Variants in GNB4 observed in about 807,000 individuals in gnomAD.
GNB4 encodes the protein G protein subunit beta 4, also known as guanine nucleotide-binding protein subunit beta-4.
A neutral mutation model predicts 45.2 loss-of-function variants in GNB4; 28 were observed. The ratio of observed to expected loss-of-function variants is 0.62; its 90% CI spans 0.46 to 0.85. The LOEUF (loss-of-function observed/expected upper bound fraction) is 0.85. Among genes scored for constraint, GNB4 ranks in the 40% least tolerant of loss-of-function variants. GNB4 has a pLI of 0.00. For missense variants in GNB4, 321 were observed against 425.4 expected, an observed-to-expected ratio of 0.75 and a Z score of 2.16; for synonymous variants, 132 against 143.7, an observed-to-expected ratio of 0.92 and a Z score of 0.58.
chr3:179,485,148 C>T, the GNB4 span, among the ~76,000 whole-genome samples: 4 of 151,620 alleles, frequency 2.6e-5, no homozygotes, highest in African/African-American at 9.7e-5. Flanking sequence ...GTCGCTGGGA[C>T]TACAGCCACC....
chr3:179,464,526 G>A, the GNB4 span: 3 of 1,611,082 alleles, frequency 1.9e-6, no homozygotes, highest in South Asian at 1.1e-5. Context: ...AGAAGAGTGG[G>A]TGGCCTCAGG....
the GNB4 span, among the ~76,000 whole-genome samples, chr3:179,518,052 T>A: frequency 2.6e-5 from 4 of 151,980 alleles, no homozygotes; most frequent in East Asian, 1.9e-4. Flanking sequence ...ATGTCTCTAC[T>A]CTCTCTTTTC....
the GNB4 span, among the ~76,000 whole-genome samples, chr3:179,468,035 A>AAAAAAAAAAAAAAAAAATATATATAT: frequency 1.1e-5 from 1 of 89,856 alleles, no homozygotes; most frequent in African/African-American, 4.0e-5. Flanking sequence ...TGTTGATAAA[A>AAAAAAAAAAAAAAAAAATATATATAT]ATATATATAT....
chr3:179,513,054 C>G, the GNB4 span, among the ~76,000 whole-genome samples: 1 of 151,310 alleles, frequency 6.6e-6, no homozygotes, highest in Admixed American at 6.6e-5. Flanking sequence ...TGGTAAAGAC[C>G]AGAAGATGAA....
chr3:179,442,222 C>G (rs1159018877), intron 1 of GNB4, among the ~76,000 whole-genome samples: 1 of 152,158 alleles, frequency 6.6e-6, no homozygotes, highest in African/African-American at 2.4e-5. Flanking sequence ...GAGAATGTGG[C>G]TGAACTCAAC....
At chr3:179,409,833 CA>C (rs1238640935) in intron 8 of GNB4, among the ~76,000 whole-genome samples, 5,714 of 60,522 alleles carry the variant, frequency 0.094, 343 homozygotes, top group African/African-American at 0.22. Context: ...AAAAACAAAA[CA>C]AAAAAAAAAC....
In GNB4 at chr3:179,397,256, C is replaced by T. The variant is rs1343275515; in HGVS notation, c.*3957G>A. 1 of 152,110 alleles carries T rather than the reference C, an allele frequency of 6.6e-6. No individual in the cohort carries two copies. Among genetic ancestry groups the T allele is most frequent in the Non-Finnish European group, 1.5e-5 (1 of 68,024 alleles). The allele number at this position is 152,110 out of a possible 1,614,324, so 9.4% of individuals were successfully genotyped here. A position where few individuals can be genotyped will look rare whatever the true frequency, so the allele number is the denominator to read the frequency against. On this transcript the variant is annotated 3_prime_UTR_variant, in exon 10 of 10. Transcript: ENST00000232564. ...AGACATTTACATCAAAGCATACTTC[C>T]CTGAACATGTTCACATTTAAAATGC...
At chr3:179,413,344 A>C (rs2108589055) in intron 8 of GNB4, 68 bp downstream of exon 8, 1 of 1,250,070 alleles carries the variant, frequency 8.0e-7, no homozygotes, top group South Asian at 1.2e-5. Flanking sequence ...TTTGTTGTTA[A>C]AATCATGCCA....
chr3:179,442,899 G>C (rs1216951276), intron 1 of GNB4, among the ~76,000 whole-genome samples: 1 of 152,086 alleles, frequency 6.6e-6, no homozygotes, highest in Non-Finnish European at 1.5e-5. Flanking sequence ...TGAGTAGCTG[G>C]GATGAAAGGT....
chr3:179,510,936 A>C, the GNB4 span, among the ~76,000 whole-genome samples: 1 of 152,086 alleles, frequency 6.6e-6, no homozygotes, highest in Non-Finnish European at 1.5e-5. Flanking sequence ...AAGTTTGGCG[A>C]ATTTTGTTTC....
intron 2 of GNB4, among the ~76,000 whole-genome samples, chr3:179,422,464 A>G (rs75159272): frequency 0.19 from 26,082 of 137,674 alleles, 2,350 homozygotes; most frequent in Admixed American, 0.25. Flanking sequence ...CTGTCTCTGG[A>G]AAAAAAAAAA....
At chr3:179,415,250 C>T (rs1303550801) in intron 5 of GNB4, among the ~76,000 whole-genome samples, 1 of 152,034 alleles carries the variant, frequency 6.6e-6, no homozygotes, top group Admixed American at 6.6e-5. Flanking sequence ...TTTGTATTAT[C>T]AAATCATTTG....
At chr3:179,455,918 G>A (rs533935766), upstream of GNB4, among the ~76,000 whole-genome samples, 20 of 152,220 alleles carry the variant, frequency 1.3e-4, no homozygotes, top group South Asian at 3.3e-3. Flanking sequence ...TCCTTTTCAC[G>A]TAGGGCTTTC....
chr3:179,430,390 C>T (rs1247083575), intron 1 of GNB4, among the ~76,000 whole-genome samples: 1 of 152,042 alleles, frequency 6.6e-6, no homozygotes, highest in East Asian at 1.9e-4. Flanking sequence ...GTACCTGGCC[C>T]TTCCTTTCTC....
the GNB4 span, among the ~76,000 whole-genome samples, chr3:179,469,775 G>T: frequency 2.0e-5 from 3 of 152,092 alleles, no homozygotes; most frequent in Non-Finnish European, 2.9e-5. Context: ...AATTTCTCTA[G>T]CACCTAGTAA....
chr3:179,426,346 C>A, intron 1 of GNB4, 104 bp from the exon 2 acceptor site: 1 of 572,772 alleles, frequency 1.7e-6, no homozygotes, highest in African/African-American at 1.9e-5. Context: ...TACTGAAATT[C>A]AATGGAGGTA....
the GNB4 span, among the ~76,000 whole-genome samples, chr3:179,489,466 G>A: frequency 1.1e-4 from 17 of 151,940 alleles, no homozygotes; most frequent in Middle Eastern, 3.4e-3. Context: ...GCAAGACCCC[G>A]TCTCTACAAA....
Position 179,398,475 on chromosome 3 carries a change from C to T in GNB4, c.*2738G>A, listed in dbSNP as rs1172965110. 6.6e-6 allele frequency: 1 copy of T among 151,026 alleles called. No homozygotes were observed. Among genetic ancestry groups the T allele is most frequent in the Non-Finnish European group, 1.5e-5 (1 of 67,916 alleles). 9.4% of individuals were successfully genotyped at this position (151,026 alleles called of 1,614,324 possible). A position where few individuals can be genotyped will look rare whatever the true frequency, so the allele number is the denominator to read the frequency against. ...GGTTGAGGTTGCAATGAGCCAAAAT[C>T]ACACCACTGTACACTCCAGCCTGGG... On this transcript the variant is annotated 3_prime_UTR_variant, in exon 10 of 10. Coordinates refer to ENST00000232564, the MANE Select transcript of GNB4 (RefSeq NM_021629.4).
At chr3:179,468,665 T>C in the GNB4 span, among the ~76,000 whole-genome samples, 1 of 152,170 alleles carries the variant, frequency 6.6e-6, no homozygotes, top group Middle Eastern at 3.2e-3. Flanking sequence ...ACAAAGCAGA[T>C]TCTTTGTAGC....
Sources: gnomAD v4.1 joint callset for allele counts (sites outside exome capture counted in the v4.1 genomes callset) on GRCh38, gnomAD v4.1.1 for gene constraint, MANE v1.5 for transcripts, NCBI Gene and HGNC (gene_info 2026-07-23, HGNC 2026-07-21) for gene names.